The following GALC variants were observed in gnomAD, a reference collection of about 807,000 sequenced individuals.
GALC encodes galactosylceramidase, also known as galactocerebrosidase.
Under a neutral mutation model 91.8 loss-of-function variants are expected in GALC, and 77 were observed. The observed-to-expected ratio is 0.84, with a 90% CI of 0.70 to 1.01. GALC has a LOEUF of 1.01. Among genes scored for constraint, GALC ranks in the 50% least tolerant of loss-of-function variants. The pLI, the probability that GALC is intolerant of heterozygous loss-of-function variation, is 0.00. For synonymous variants in GALC, 357 were observed against 306.7 expected (o/e 1.16, Z -1.71); for missense variants, 882 against 855.9 (o/e 1.03, Z -0.38).
intron 10 of GALC, among the ~76,000 whole-genome samples, chr14:87,961,673 C>T (rs1885811815): frequency 6.6e-6 from 1 of 152,182 alleles, no homozygotes; most frequent in African/African-American, 2.4e-5. Flanking sequence ...CCTCACTCAA[C>T]AGGTGCTCTC....
chr14:87,982,393 TAGATAGTTATA>T, intron 5 of GALC, 150 bp from the exon 6 acceptor site: 1 of 594,096 alleles, frequency 1.7e-6, no homozygotes, highest in Non-Finnish European at 3.1e-6. Flanking sequence ...ATAGAATTTA[TAGATAGTTATA>T]AGATAGCACA....
chr14:87,945,682 A>G lies in GALC; in HGVS notation c.1541T>C (p.Phe514Ser), dbSNP rs375867319. The change falls in exon 14 of 17, where the codon TTT (phenylalanine) becomes TCT (serine). Residue 514 changes from phenylalanine (F) to serine (S), a missense_variant. Phe to Ser is a radical substitution (Grantham distance 155). Transcript: ENST00000261304. ...GTCTTCAATATTTGTAAAATATTCA[A>G]ATACACCAGTTTGATCAGCAAAGTT... ...APNFADQTGV[F>S]EYFTNIEDPG... 7.4e-6 allele frequency: 12 copies of G among 1,612,216 alleles called. No homozygotes were observed. The highest frequency in any genetic ancestry group is 1.0e-5 in the Non-Finnish European group (12 of 1,178,834).
intron 5 of GALC, among the ~76,000 whole-genome samples, chr14:87,982,839 G>A (rs1886806443): frequency 6.6e-6 from 1 of 152,244 alleles, no homozygotes; most frequent in Admixed American, 6.5e-5. Context: ...TTAATAACAA[G>A]AGACGATTCT....
At chr14:87,960,091 C>T (rs1885734641) in intron 10 of GALC, among the ~76,000 whole-genome samples, 1 of 152,080 alleles carries the variant, frequency 6.6e-6, no homozygotes, top group Non-Finnish European at 1.5e-5. Flanking sequence ...GAGTTGATAT[C>T]ACAGATGCAG....
At chr14:87,938,445 C>T (rs440934) in intron 16 of GALC, among the ~76,000 whole-genome samples, 145,513 of 152,006 alleles carry the variant, frequency 0.96, 69,941 homozygotes, top group Non-Finnish European at 1. Context: ...CAATTAAAAG[C>T]GTGATTTTGG....
chr14:87,973,953 A>T (rs905786856), intron 7 of GALC, among the ~76,000 whole-genome samples: 2 of 152,212 alleles, frequency 1.3e-5, no homozygotes, highest in African/African-American at 4.8e-5. Flanking sequence ...TAATTGACAG[A>T]ACAAAAACCA....
At position 87,984,373 on chromosome 14, in the gene GALC, T is replaced by C. The variant is rs561353060; in HGVS notation, c.582+21A>G. 4 of 1,596,354 alleles carry C rather than the reference T, an allele frequency of 2.5e-6. No homozygotes were observed. In the African/African-American group the frequency reaches 4.0e-5, roughly 16 times the overall value. ...CAAACAAATGTCCAAAACTGAATCA[T>C]ATTTTAAATATATTACTAACTCCAA... On this transcript the variant is annotated intron_variant, in intron 5 of 16. Transcript: ENST00000261304.
chr14:87,951,394 C>G (rs1183789992), intron 10 of GALC, among the ~76,000 whole-genome samples: 1 of 151,918 alleles, frequency 6.6e-6, no homozygotes, highest in Non-Finnish European at 1.5e-5. Flanking sequence ...AAATTACTTT[C>G]ATAATCAGAG....
Position 87,963,419 on chromosome 14 carries a change from C to T in GALC, c.1126G>A (p.Gly376Ser). 1 of 1,613,442 alleles carries T rather than the reference C, an allele frequency of 6.2e-7. No homozygotes were observed. The highest frequency in any genetic ancestry group is 8.5e-7 in the Non-Finnish European group (1 of 1,179,514). The part of the protein sequence containing the change: ...KGGSYVALTD[G>S]LGNLTIIIET... ...ATGATGATGGTGAGGTTCCCTAAGC[C>T]ATCAGTCAGAGCTACGTAGCTTCCT... The change falls in exon 10 of 17, where the codon GGC (glycine) becomes AGC (serine). Residue 376 changes from glycine to serine, a missense_variant. Gly to Ser is a moderately conservative substitution (Grantham distance 56). Coordinates refer to ENST00000261304, the MANE Select transcript of GALC (RefSeq NM_000153.4).
intron 16 of GALC, among the ~76,000 whole-genome samples, chr14:87,936,778 G>T (rs557555804): frequency 6.6e-6 from 1 of 151,304 alleles, no homozygotes; most frequent in Non-Finnish European, 1.5e-5. Flanking sequence ...GGAATAACTT[G>T]CTAGAAGTCT....
chr14:87,938,775 A>G (rs893779847), intron 16 of GALC, among the ~76,000 whole-genome samples: 1 of 152,018 alleles, frequency 6.6e-6, no homozygotes, highest in Admixed American at 6.6e-5. Flanking sequence ...AAAGCAATGA[A>G]TAAAAAGTGA....
intron 10 of GALC, chr14:87,953,717 G>A: frequency 6.2e-7 from 1 of 1,607,850 alleles, no homozygotes; most frequent in Non-Finnish European, 8.5e-7. Flanking sequence ...TCTAATGCAG[G>A]AGATTCTGTT....
intron 5 of GALC, 59 bp downstream of exon 5, chr14:87,984,335 A>G: frequency 1.3e-6 from 2 of 1,530,634 alleles, no homozygotes; most frequent in Non-Finnish European, 1.8e-6. Context: ...GAATCAAATT[A>G]TTTTCTAAAT....
intron 6 of GALC, chr14:87,980,670 C>T (rs114061448): frequency 6.3e-6 from 1 of 158,762 alleles, no homozygotes; most frequent in Non-Finnish European, 1.3e-5. Context: ...TTTTAAGAAC[C>T]CTGTAGGTGT....
chr14:87,952,904 G>C, intron 10 of GALC: 1 of 935,144 alleles, frequency 1.1e-6, no homozygotes, highest in Non-Finnish European at 1.7e-6. Flanking sequence ...AGTATCAAAA[G>C]CTTCTCAGTG....
intron 6 of GALC, among the ~76,000 whole-genome samples, chr14:87,978,190 T>C (rs1326904435): frequency 6.6e-6 from 1 of 152,172 alleles, no homozygotes. Flanking sequence ...TAGCTGGGAT[T>C]ACAGGCATGT....
intron 10 of GALC, chr14:87,952,743 C>T (rs1885363696): frequency 2.0e-6 from 3 of 1,517,754 alleles, no homozygotes. Flanking sequence ...TATGAATAGA[C>T]ATGTTCATGT....
At chr14:87,935,897 T>C (rs1304998759) in intron 16 of GALC, among the ~76,000 whole-genome samples, 1 of 152,078 alleles carries the variant, frequency 6.6e-6, no homozygotes, top group Non-Finnish European at 1.5e-5. Context: ...TAGCTCCAAA[T>C]TCAGAGCCAC....
In GALC at chr14:87,976,353, C is replaced by A; in HGVS notation, c.752+5G>T. On this transcript the variant is annotated splice_donor_5th_base_variant and intron_variant, in intron 7 of 16. Transcript: ENST00000261304. ...TGCTAGTTTTCCAAGTAAAACATGC[C>A]TTACCCTATAACATCAACCACCTTG... 6.2e-7 allele frequency: 1 copy of A among 1,613,788 alleles called. No individual in the cohort carries two copies. Among genetic ancestry groups the A allele is most frequent in the African/African-American group, 1.3e-5 (1 of 75,000 alleles).
Sources: allele counts gnomAD v4.1 joint callset (sites outside exome capture counted in the v4.1 genomes callset), GRCh38; gene constraint gnomAD v4.1.1; transcripts MANE v1.5; gene names NCBI Gene and HGNC (gene_info 2026-07-23, HGNC 2026-07-21).